Variants in DNAH12 observed in about 807,000 individuals in gnomAD.
DNAH12 encodes the protein axonemal beta dynein heavy chain 12.
Under a neutral mutation model 371.5 loss-of-function variants are expected in DNAH12, and 285 were observed. The ratio of observed to expected loss-of-function variants is 0.77; its 90% CI spans 0.70 to 0.85. The LOEUF (loss-of-function observed/expected upper bound fraction) is 0.85. Among genes scored for constraint, DNAH12 ranks in the 40% least tolerant of loss-of-function variants. The probability of loss-of-function intolerance (pLI) is 0.00; values close to 1 mark genes in which losing one functional copy is unlikely to be tolerated. For synonymous variants in DNAH12, 1,200 were observed against 1,213.0 expected, an observed-to-expected ratio of 0.99 and a Z score of 0.22; for missense variants, 3,611 against 3,689.4, an observed-to-expected ratio of 0.98 and a Z score of 0.55.
chr3:57,423,451 G>A (rs1033134077), intron 35 of DNAH12, among the ~76,000 whole-genome samples: 1 of 152,140 alleles, frequency 6.6e-6, no homozygotes, highest in East Asian at 1.9e-4. Context: ...TAAAGCGGAA[G>A]GATATAAAGG....
At position 57,470,297 on chromosome 3, in the gene DNAH12, A is replaced by G. The variant is rs138917266; in HGVS notation, c.2105+146T>C. ...GTTAGTGGGACCTTAGCAGCACTGG[A>G]TGTTTCTCCTACATGGTACCTGGTT... On this transcript the variant is annotated intron_variant, in intron 16 of 73. Coordinates refer to ENST00000495027, the MANE Select transcript of DNAH12 (RefSeq NM_001366028.2). 1.9e-5 allele frequency: 14 copies of G among 750,252 alleles called. No individual in the cohort carries two copies. In the African/African-American group the frequency reaches 2.3e-4, roughly 12 times the overall value. 46.5% of individuals were successfully genotyped at this position (750,252 alleles called of 1,614,324 possible).
intron 55 of DNAH12, among the ~76,000 whole-genome samples, chr3:57,371,496 G>T (rs2063168166): frequency 6.6e-6 from 1 of 151,940 alleles, no homozygotes; most frequent in African/African-American, 2.4e-5. Context: ...TATGGTACAT[G>T]AATTATATAT....
chr3:57,413,698 A>T (rs782540974), intron 39 of DNAH12, 48 bp downstream of exon 39: 2 of 1,499,902 alleles, frequency 1.3e-6, no homozygotes, highest in Non-Finnish European at 8.9e-7. Context: ...AACCTAAAAT[A>T]AAAACTGAGG....
At chr3:57,530,488 G>A in intron 2 of DNAH12, 1 of 732,392 alleles carries the variant, frequency 1.4e-6, no homozygotes, top group Middle Eastern at 2.7e-4. Context: ...TGCTCCTCCA[G>A]AAGACTGCTG....
At chr3:57,320,187 G>T (rs1057152293) in intron 65 of DNAH12, among the ~76,000 whole-genome samples, 1 of 152,180 alleles carries the variant, frequency 6.6e-6, no homozygotes, top group Non-Finnish European at 1.5e-5. Context: ...GATTATGGTT[G>T]AGCTTGCTTT....
At chr3:57,424,516 G>A (rs1182879439) in intron 35 of DNAH12, among the ~76,000 whole-genome samples, 2 of 148,374 alleles carry the variant, frequency 1.3e-5, no homozygotes, top group African/African-American at 5.0e-5. Context: ...GGTGGCTCAC[G>A]CCAGTAATCC....
At chr3:57,342,482 T>TAAAAAAAA in intron 60 of DNAH12, among the ~76,000 whole-genome samples, 1 of 20,376 alleles carries the variant, frequency 4.9e-5, no homozygotes, top group Non-Finnish European at 9.5e-5. Flanking sequence ...CTACTAAAAA[T>TAAAAAAAA]ACAAAAAAAA....
chr3:57,346,586 T>C (rs1553658133), intron 60 of DNAH12, among the ~76,000 whole-genome samples: 2 of 152,076 alleles, frequency 1.3e-5, no homozygotes, highest in Admixed American at 1.3e-4. Context: ...GTAACATATA[T>C]GGTAGATATT....
chr3:57,453,457 T>C, intron 23 of DNAH12, 54 bp from the exon 24 acceptor site: 1 of 1,376,610 alleles, frequency 7.3e-7, no homozygotes, highest in East Asian at 2.6e-5. Context: ...ACTTAAAACA[T>C]GTATTTTATA....
At chr3:57,402,140 G>A (rs1553679005) in intron 43 of DNAH12, among the ~76,000 whole-genome samples, 1 of 152,174 alleles carries the variant, frequency 6.6e-6, no homozygotes. Context: ...CAATGTAAGT[G>A]TAATTTTCCT....
At chr3:57,306,774 T>G (rs1229520082) in intron 69 of DNAH12, among the ~76,000 whole-genome samples, 1 of 152,114 alleles carries the variant, frequency 6.6e-6, no homozygotes, top group Non-Finnish European at 1.5e-5. Context: ...AATTCCCCCA[T>G]TTTACCTGTC....
At chr3:57,447,480 G>T (rs566850816) in intron 25 of DNAH12, among the ~76,000 whole-genome samples, 1 of 152,144 alleles carries the variant, frequency 6.6e-6, no homozygotes, top group Non-Finnish European at 1.5e-5. Context: ...TGCATGTAAG[G>T]GGGGTAGGGG....
intron 55 of DNAH12, among the ~76,000 whole-genome samples, chr3:57,371,454 C>T (rs1453055036): frequency 6.6e-6 from 1 of 151,924 alleles, no homozygotes; most frequent in Non-Finnish European, 1.5e-5. Flanking sequence ...TACTAAAAAT[C>T]ACCGAATTGT....
At chr3:57,465,314 G>T (rs2153378714) in intron 17 of DNAH12, among the ~76,000 whole-genome samples, 1 of 152,174 alleles carries the variant, frequency 6.6e-6, no homozygotes, top group African/African-American at 2.4e-5. Context: ...CAGGCTAAAT[G>T]GTTTCATGAG....
intron 53 of DNAH12, among the ~76,000 whole-genome samples, 160 bp from the exon 54 acceptor site, chr3:57,376,125 T>C (rs953519194): frequency 1.3e-5 from 2 of 152,096 alleles, no homozygotes; most frequent in Non-Finnish European, 2.9e-5. Flanking sequence ...CTAGCTCTTA[T>C]ACGCTATAAC....
intron 12 of DNAH12, among the ~76,000 whole-genome samples, chr3:57,485,878 G>A (rs2066907931): frequency 6.6e-6 from 1 of 152,090 alleles, no homozygotes; most frequent in South Asian, 2.1e-4. Flanking sequence ...TTGGTACAGT[G>A]TACACTACTT....
At chr3:57,539,494 T>G (rs760555780) in intron 2 of DNAH12, among the ~76,000 whole-genome samples, 1 of 152,196 alleles carries the variant, frequency 6.6e-6, no homozygotes, top group South Asian at 2.1e-4. Flanking sequence ...CATGTTTACT[T>G]AGATGACAGT....
At chr3:57,537,930 G>A (rs1487750594) in intron 2 of DNAH12, among the ~76,000 whole-genome samples, 1 of 152,208 alleles carries the variant, frequency 6.6e-6, no homozygotes, top group Non-Finnish European at 1.5e-5. Context: ...TGATCCGCCC[G>A]CCTTGGCCTC....
Position 57,302,529 on chromosome 3 carries a change from G to GTTTATATATATATATATA in DNAH12, c.11190-591_11190-590insTATATATATATATATAAA, listed in dbSNP as rs879293648. On this transcript the variant is annotated intron_variant, in intron 69 of 73. Coordinates refer to ENST00000495027, the MANE Select transcript of DNAH12 (RefSeq NM_001366028.2). Reference sequence around the variant, plus strand: ...TGCTGAATTAACTAAGGCATCAGGTGTATATATATATATATATATATATAT... The same window carrying GTTTATATATATATATATA: ...TGCTGAATTAACTAAGGCATCAGGTGTTTATATATATATATATATATATATATATATATATATATATAT... Among the ~76,000 whole-genome samples the GTTTATATATATATATATA allele has an allele frequency of 4.5e-3, 215 of 47,830 alleles. 22 individuals carry two copies. The highest frequency in any genetic ancestry group is 4.7e-3 in the East Asian group (4 of 858). The allele number at this position is 47,830 out of a possible 152,430, so 31.4% of individuals were successfully genotyped here.
Sources: allele counts gnomAD v4.1 joint callset (sites outside exome capture counted in the v4.1 genomes callset), GRCh38; gene constraint gnomAD v4.1.1; transcripts MANE v1.5; gene names NCBI Gene and HGNC (gene_info 2026-07-23, HGNC 2026-07-21).